SLC25A48: variants seen among roughly 807,000 people sequenced by gnomAD.
SLC25A48 encodes the protein CTC-321K16.1.
SLC25A48 carries 29 observed loss-of-function variants against 32.2 expected under a neutral mutation model. That is an observed-to-expected ratio of 0.90 (90% CI 0.67 to 1.23). The LOEUF (loss-of-function observed/expected upper bound fraction) is 1.23, where lower values mean the gene tolerates loss of function less well. Ranked by LOEUF, SLC25A48 falls within the 50% of genes most tolerant of loss-of-function variation. SLC25A48 has a pLI of 0.00. For synonymous variants in SLC25A48, 164 were observed against 172.3 expected, an observed-to-expected ratio of 0.95 and a Z score of 0.38; for missense variants, 399 against 422.7, an observed-to-expected ratio of 0.94 and a Z score of 0.49.
intron 3 of SLC25A48, among the ~76,000 whole-genome samples, chr5:135,771,325 G>T (rs979100923): frequency 4.6e-5 from 7 of 151,708 alleles, no homozygotes; most frequent in Admixed American, 2.0e-4. Context: ...ATCGCGGAGG[G>T]TGTACATCCC....
At position 135,629,628 on chromosome 5, in the gene SLC25A48, T is replaced by C. The variant is rs1380089093; in HGVS notation, c.-709+252T>C. On this transcript the variant is annotated intron_variant, in intron 2 of 10. Transcript: ENST00000646290. This position sits in a 1 kb window ranked among gnomAD's most constrained non-coding sequence, Gnocchi z 4.8. The stretch of plus-strand genomic sequence containing the variant: ...AAGATGTGTTAGCCAGCAGGCTGAC[T>C]CTGTGGGCGCCTGAGGATGCATCAG... 1.3e-5 allele frequency among the ~76,000 whole-genome samples: 2 copies of C among 152,192 alleles called. No individual in the cohort carries two copies. Among genetic ancestry groups the C allele is most frequent in the Non-Finnish European group, 2.9e-5 (2 of 68,030 alleles).
At chr5:135,755,069 T>G (rs1755863472) in intron 3 of SLC25A48, among the ~76,000 whole-genome samples, 1 of 152,138 alleles carries the variant, frequency 6.6e-6, no homozygotes, top group Non-Finnish European at 1.5e-5. Context: ...AATATTGCAG[T>G]GATATTTATA....
Position 135,870,100 on chromosome 5 carries a change from A to T in SLC25A48, c.422-1361A>T, listed in dbSNP as rs557409460. 7.9e-5 allele frequency among the ~76,000 whole-genome samples: 12 copies of T among 152,236 alleles called. 1 individual carries two copies. The Middle Eastern group carries it at 0.014, about 173-fold the overall frequency. ...CTAACCTTTCCTCTGATAAAGATGG[A>T]CTGTTTGGGGGACTTGGACATTGAC... On this transcript the variant is annotated intron_variant, in intron 4 of 7. Coordinates refer to ENST00000681962, the MANE Select transcript of SLC25A48 (RefSeq NM_001349336.2).
chr5:135,622,565 C>T (rs1309533977), intron 1 of SLC25A48, among the ~76,000 whole-genome samples: 3 of 151,602 alleles, frequency 2.0e-5, no homozygotes, highest in Admixed American at 1.3e-4. Flanking sequence ...GTGAAAACAC[C>T]AGGATATAAG....
chr5:135,766,122 T>C (rs1011534577), intron 3 of SLC25A48, among the ~76,000 whole-genome samples: 1 of 151,866 alleles, frequency 6.6e-6, no homozygotes, highest in African/African-American at 2.4e-5. Context: ...CAGCCCCCTG[T>C]GATATGATTC....
At chr5:135,765,337 G>T (rs190951686) in intron 3 of SLC25A48, among the ~76,000 whole-genome samples, 2 of 151,176 alleles carry the variant, frequency 1.3e-5, no homozygotes, top group African/African-American at 4.9e-5. Flanking sequence ...GGTGTGATAT[G>T]GTTCTTAATA....
At chr5:135,691,109 T>G (rs1237907917) in intron 3 of SLC25A48, among the ~76,000 whole-genome samples, 2 of 152,202 alleles carry the variant, frequency 1.3e-5, no homozygotes, top group Non-Finnish European at 2.9e-5. Flanking sequence ...AGCTTTCCGT[T>G]TCCCGTCACA....
chr5:135,689,238 G>A (rs1580786780), intron 3 of SLC25A48, among the ~76,000 whole-genome samples: 1 of 152,270 alleles, frequency 6.6e-6, no homozygotes, highest in African/African-American at 2.4e-5. Flanking sequence ...CTGTTTCATA[G>A]GGAGGCCTCA....
chr5:135,612,109 A>G (rs1241359937), intron 1 of SLC25A48, among the ~76,000 whole-genome samples: 3 of 152,258 alleles, frequency 2.0e-5, no homozygotes, highest in Non-Finnish European at 4.4e-5. Context: ...TTAATTGTCT[A>G]ACATATAAAA....
In SLC25A48 at chr5:135,611,834, C is replaced by A. The variant is rs1752080094; in HGVS notation, c.-848-17403C>A. On this transcript the variant is annotated intron_variant, in intron 1 of 10. Coordinates refer to the SLC25A48 transcript ENST00000646290. ...GTGATAAGAATGTTCCCCCTTATTC[C>A]AACCTCTGCTACTTAATATGATTTC... Among the ~76,000 whole-genome samples, 4 of 152,192 alleles carry A rather than the reference C, an allele frequency of 2.6e-5. No homozygotes were observed. In the South Asian group the frequency reaches 8.3e-4, roughly 31 times the overall value.
rs368038910 is a variant in SLC25A48, at chr5:135,608,637, C to T, written c.-848-20600C>T. 2.3e-4 allele frequency among the ~76,000 whole-genome samples: 35 copies of T among 152,310 alleles called. 1 individual carries two copies. The highest frequency in any genetic ancestry group is 7.9e-4 in the African/African-American group (33 of 41,574). On this transcript the variant is annotated intron_variant, in intron 1 of 10. Transcript: ENST00000646290. The stretch of plus-strand genomic sequence containing the variant: ...GCTGGAGCATGCAGGTCAGTCGTGC[C>T]TGGAGGTGCAGTAACTTGATGAGGT...
chr5:135,752,048 A>G (rs761200220), intron 3 of SLC25A48, among the ~76,000 whole-genome samples: 1 of 152,218 alleles, frequency 6.6e-6, no homozygotes, highest in Non-Finnish European at 1.5e-5. Flanking sequence ...TCAGAGACCT[A>G]AATGTCGAGT....
chr5:135,874,734 C>G (rs1043702221), intron 6 of SLC25A48: 2 of 700,822 alleles, frequency 2.9e-6, no homozygotes, highest in Non-Finnish European at 5.2e-6. Flanking sequence ...CTTAACTTAA[C>G]ACACACCCCT....
intron 1 of SLC25A48, among the ~76,000 whole-genome samples, chr5:135,590,102 C>T (rs2126875544): frequency 6.6e-6 from 1 of 152,252 alleles, no homozygotes; most frequent in Admixed American, 6.5e-5. Flanking sequence ...CTGGTGGTGC[C>T]TGGGAATAGC....
intron 7 of SLC25A48, chr5:135,883,400 G>C (rs1762609049): frequency 1.0e-6 from 1 of 985,328 alleles, no homozygotes; most frequent in African/African-American, 1.7e-5. Context: ...GTGAATTCAT[G>C]GAAGAGCTGG....
intron 1 of SLC25A48, among the ~76,000 whole-genome samples, chr5:135,608,563 G>A (rs897342953): frequency 2.6e-5 from 4 of 152,326 alleles, no homozygotes; most frequent in South Asian, 2.1e-4. Flanking sequence ...GTGGGGCTGC[G>A]CCTGTCTTCT....
At chr5:135,653,058 T>G (rs1753154511) in intron 3 of SLC25A48, among the ~76,000 whole-genome samples, 1 of 152,166 alleles carries the variant, frequency 6.6e-6, no homozygotes, top group South Asian at 2.1e-4. Flanking sequence ...GCGTTCATCC[T>G]CTCTTGCCCT....
At chr5:135,745,693 C>T (rs910870946) in intron 3 of SLC25A48, among the ~76,000 whole-genome samples, 8 of 152,190 alleles carry the variant, frequency 5.3e-5, no homozygotes, top group East Asian at 1.9e-4. Flanking sequence ...TGCTAGCTCA[C>T]GTGTTTATAT....
chr5:135,743,631 A>C (rs1241462368), intron 3 of SLC25A48, among the ~76,000 whole-genome samples: 1 of 152,222 alleles, frequency 6.6e-6, no homozygotes, highest in Non-Finnish European at 1.5e-5. Flanking sequence ...ATTACTGCTC[A>C]AATTCAAGTG....
Sources: allele counts gnomAD v4.1 joint callset (sites outside exome capture counted in the v4.1 genomes callset), GRCh38; gene constraint gnomAD v4.1.1; non-coding constraint Gnocchi (gnomAD v3.1); transcripts MANE v1.5; gene names NCBI Gene and HGNC (gene_info 2026-07-23, HGNC 2026-07-21).